The following SPOCK3 variants were observed in gnomAD, a reference collection of about 807,000 sequenced individuals.
The protein encoded by SPOCK3 is testican-3.
A neutral mutation model predicts 56.6 loss-of-function variants in SPOCK3; 30 were observed. The ratio of observed to expected loss-of-function variants is 0.53; its 90% CI spans 0.40 to 0.72. The LOEUF is 0.72. SPOCK3 is among the 30% of genes least tolerant of loss of function. SPOCK3 has a pLI of 0.00. For missense variants in SPOCK3, 527 were observed against 530.0 expected (o/e 0.99, Z 0.06); for synonymous variants, 196 against 183.3 (o/e 1.07, Z -0.56).
At position 167,035,409 on chromosome 4, in the gene SPOCK3, G is replaced by A. The variant is rs1752654492; in HGVS notation, c.235+27083C>T. Among the ~76,000 whole-genome samples the A allele has an allele frequency of 2.6e-5, 4 of 151,342 alleles. No individual in the cohort carries two copies. The South Asian group carries it at 8.3e-4, about 32-fold the overall frequency. Reference sequence around the variant, plus strand: ...ATAAGCAGATAATGTAATGTAAGATGTGATGAAAAAAAAAAGTATCCTAGG... The same window carrying A: ...ATAAGCAGATAATGTAATGTAAGATATGATGAAAAAAAAAAGTATCCTAGG... On this transcript the variant is annotated intron_variant, in intron 3 of 10. Transcript: ENST00000357545.
intron 2 of SPOCK3, among the ~76,000 whole-genome samples, chr4:167,129,760 G>T (rs1762560409): frequency 6.6e-6 from 1 of 151,926 alleles, no homozygotes; most frequent in East Asian, 1.9e-4. Context: ...AAAGAACCTA[G>T]ATAAAAAATA....
intron 5 of SPOCK3, among the ~76,000 whole-genome samples, chr4:166,892,426 A>G (rs1483200956): frequency 6.6e-6 from 1 of 151,996 alleles, no homozygotes; most frequent in East Asian, 1.9e-4. Flanking sequence ...TTTTATCAGA[A>G]AGCTACTTAG....
At chr4:166,889,055 A>T (rs1194528787) in intron 6 of SPOCK3, 75 bp downstream of exon 6, 2 of 875,278 alleles carry the variant, frequency 2.3e-6, no homozygotes, top group Non-Finnish European at 3.8e-6. Context: ...TGTGTATTTA[A>T]TGACAACATC....
At chr4:166,784,342 A>T (rs1234779682) in intron 7 of SPOCK3, among the ~76,000 whole-genome samples, 1 of 152,146 alleles carries the variant, frequency 6.6e-6, no homozygotes, top group Non-Finnish European at 1.5e-5. Context: ...ACTACATGTG[A>T]TTACGTTAAT....
At chr4:166,788,874 C>T (rs923927302) in intron 7 of SPOCK3, among the ~76,000 whole-genome samples, 2 of 151,826 alleles carry the variant, frequency 1.3e-5, no homozygotes, top group Non-Finnish European at 2.9e-5. Context: ...TTTTCATCAT[C>T]AATGCTGGCT....
intron 5 of SPOCK3, among the ~76,000 whole-genome samples, chr4:166,894,664 A>T (rs1426007384): frequency 1.3e-5 from 2 of 152,130 alleles, no homozygotes; most frequent in Non-Finnish European, 2.9e-5. Flanking sequence ...GTCACGAACA[A>T]GTTAAAATAC....
At chr4:167,030,663 G>T (rs1349857887) in intron 3 of SPOCK3, among the ~76,000 whole-genome samples, 2 of 151,966 alleles carry the variant, frequency 1.3e-5, no homozygotes, top group Non-Finnish European at 2.9e-5. Flanking sequence ...TCATGGTTCA[G>T]GATAGACATG....
intron 2 of SPOCK3, among the ~76,000 whole-genome samples, chr4:167,207,514 A>C (rs527253135): frequency 2.6e-5 from 4 of 152,236 alleles, no homozygotes; most frequent in Admixed American, 2.6e-4. Context: ...TAAAACATGA[A>C]TCTTTAACTA....
chr4:167,153,318 T>C (rs1764562599), intron 2 of SPOCK3, among the ~76,000 whole-genome samples: 1 of 152,142 alleles, frequency 6.6e-6, no homozygotes, highest in Admixed American at 6.5e-5. Context: ...TGGGAATAAA[T>C]GGGGTGCCCA....
intron 3 of SPOCK3, among the ~76,000 whole-genome samples, chr4:167,057,397 G>C (rs1284449696): frequency 2.6e-5 from 4 of 152,026 alleles, no homozygotes; most frequent in Non-Finnish European, 4.4e-5. Flanking sequence ...AAAATAACCA[G>C]CTAACTTCAT....
intron 3 of SPOCK3, among the ~76,000 whole-genome samples, chr4:167,013,037 C>T (rs1750245622): frequency 6.6e-6 from 1 of 151,864 alleles, no homozygotes; most frequent in South Asian, 2.1e-4. Flanking sequence ...TTATTAGTTT[C>T]AAACCTTAAT....
At chr4:166,830,893 T>C (rs2126793519) in intron 6 of SPOCK3, among the ~76,000 whole-genome samples, 1 of 152,332 alleles carries the variant, frequency 6.6e-6, no homozygotes, top group Non-Finnish European at 1.5e-5. Context: ...AATTCTTTTG[T>C]AATTTCTTCA....
At chr4:167,116,625 A>ATATACTATATACGTATATATACACACG (rs1554038945) in intron 2 of SPOCK3, among the ~76,000 whole-genome samples, 2 of 125,216 alleles carry the variant, frequency 1.6e-5, no homozygotes, top group African/African-American at 6.3e-5. Flanking sequence ...ATATATATAC[A>ATATACTATATACGTATATATACACACG]TATATACTAT....
chr4:166,868,105 G>T (rs987983451), intron 6 of SPOCK3, among the ~76,000 whole-genome samples: 3 of 151,792 alleles, frequency 2.0e-5, no homozygotes, highest in African/African-American at 4.8e-5. Context: ...TTGAGTTTTT[G>T]TTGTTTCTTG....
At chr4:167,045,566 T>C (rs1362579600) in intron 3 of SPOCK3, among the ~76,000 whole-genome samples, 1 of 152,122 alleles carries the variant, frequency 6.6e-6, no homozygotes, top group Admixed American at 6.6e-5. Context: ...CTGCTTTAAG[T>C]AGTTTCTACT....
chr4:167,131,240 CT>C (rs35667013), intron 2 of SPOCK3, among the ~76,000 whole-genome samples: 5 of 151,800 alleles, frequency 3.3e-5, no homozygotes, highest in African/African-American at 1.2e-4. Flanking sequence ...TAAAAATAAA[CT>C]TTTTAAAAAT....
chr4:166,844,357 G>T (rs1747831571), intron 6 of SPOCK3, among the ~76,000 whole-genome samples: 1 of 152,156 alleles, frequency 6.6e-6, no homozygotes, highest in African/African-American at 2.4e-5. Context: ...CATACTTTAT[G>T]TCATAGTCTA....
intron 3 of SPOCK3, among the ~76,000 whole-genome samples, chr4:167,054,932 T>C (rs770048285): frequency 4.6e-5 from 7 of 152,116 alleles, no homozygotes; most frequent in Non-Finnish European, 7.4e-5. Flanking sequence ...AGAAAGGAGT[T>C]TTGTGCTGAG....
chr4:167,153,871 C>G (rs111321643), intron 2 of SPOCK3, among the ~76,000 whole-genome samples: 2 of 149,450 alleles, frequency 1.3e-5, no homozygotes, highest in Admixed American at 1.4e-4. Flanking sequence ...TTAGTTTAAG[C>G]GGGGAAAAAT....
Sources: allele counts gnomAD v4.1 joint callset (sites outside exome capture counted in the v4.1 genomes callset), GRCh38; gene constraint gnomAD v4.1.1; transcripts MANE v1.5; gene names NCBI Gene and HGNC (gene_info 2026-07-23, HGNC 2026-07-21).